Variants in ANGPTL2 observed in about 807,000 individuals in gnomAD.
The protein encoded by ANGPTL2 is angiopoietin like 2.
ANGPTL2 carries 25 observed loss-of-function variants against 52.8 expected under a neutral mutation model. The ratio of observed to expected loss-of-function variants is 0.47; its 90% CI spans 0.35 to 0.66. ANGPTL2 has a LOEUF of 0.66. Among genes scored for constraint, ANGPTL2 ranks in the 30% least tolerant of loss-of-function variants. The pLI, the probability that ANGPTL2 is intolerant of heterozygous loss-of-function variation, is 0.01. For synonymous variants in ANGPTL2, 276 were observed against 277.4 expected (o/e 1.00, Z 0.05); for missense variants, 546 against 656.9 (o/e 0.83, Z 1.84).
Position 127,108,698 on chromosome 9 carries a change from C to G in ANGPTL2, c.34G>C (p.Gly12Arg). Residue 12 changes from glycine (G) to arginine (R), a missense_variant, in exon 2 of 5, where the codon GGA (glycine) becomes CGA (arginine). Physicochemically the swap from Gly to Arg is moderately radical, Grantham distance 125 (BLOSUM62 -2). Coordinates refer to ENST00000373425, the MANE Select transcript of ANGPTL2 (RefSeq NM_012098.3). ...ACAGCTCCCATGGCAGCCAGCAGTC[C>G]GAGCCACCAGCATGTCACGCACAGT... ...RPLCVTCWWL[G>R]LLAAMGAVAG... The G allele has an allele frequency of 6.2e-7, 1 of 1,612,516 alleles. No homozygotes were observed. Among genetic ancestry groups the G allele is most frequent in the Non-Finnish European group, 8.5e-7 (1 of 1,179,354 alleles).
chr9:127,097,376 G>A (rs1045210472), intron 2 of ANGPTL2, among the ~76,000 whole-genome samples: 7 of 152,234 alleles, frequency 4.6e-5, no homozygotes, highest in African/African-American at 1.7e-4. Flanking sequence ...TACAAAAAAT[G>A]TGCATATGTG....
At chr9:127,110,694 T>C (rs1270609177) in intron 1 of ANGPTL2, among the ~76,000 whole-genome samples, 1 of 152,216 alleles carries the variant, frequency 6.6e-6, no homozygotes, top group Non-Finnish European at 1.5e-5. Context: ...TTCATAAATG[T>C]CCACTCTGGT....
chr9:127,115,679 G>T (rs2055336515), intron 1 of ANGPTL2, among the ~76,000 whole-genome samples: 1 of 152,220 alleles, frequency 6.6e-6, no homozygotes, highest in African/African-American at 2.4e-5. Flanking sequence ...TTGTTTAATG[G>T]CTGAGATGCA....
chr9:127,111,111 C>G (rs550880321), intron 1 of ANGPTL2, among the ~76,000 whole-genome samples: 85 of 152,302 alleles, frequency 5.6e-4, no homozygotes, highest in African/African-American at 1.9e-3. Flanking sequence ...ACGATCATCT[C>G]CTCCAACCAC....
Position 127,091,975 on chromosome 9 carries a change from C to G in ANGPTL2, c.1012-35G>C. The G allele has an allele frequency of 6.3e-7, 1 of 1,598,484 alleles. No homozygotes were observed. Among genetic ancestry groups the G allele is most frequent in the South Asian group, 1.1e-5 (1 of 88,772 alleles). On this transcript the variant is annotated intron_variant, in intron 3 of 4. Transcript: ENST00000373425. The surrounding 1 kb of genome is among the most constrained non-coding windows in gnomAD (Gnocchi z 4.3). Reference sequence around the variant, plus strand: ...ACCCAGGAGAGTGTTAATGTGGAGCCTGCAGCACCTGCAGCCAGCAGGCTT... The same window carrying G: ...ACCCAGGAGAGTGTTAATGTGGAGCGTGCAGCACCTGCAGCCAGCAGGCTT...
At chr9:127,117,954 T>C in intron 1 of ANGPTL2, among the ~76,000 whole-genome samples, 1 of 152,242 alleles carries the variant, frequency 6.6e-6, no homozygotes, top group East Asian at 1.9e-4. Flanking sequence ...AGCAGGGGGT[T>C]GCTGAGGCTC....
At chr9:127,095,471 T>C (rs1204085430) in intron 2 of ANGPTL2, among the ~76,000 whole-genome samples, 2 of 152,214 alleles carry the variant, frequency 1.3e-5, no homozygotes, top group African/African-American at 4.8e-5. Flanking sequence ...GAAAGTACCA[T>C]TGTATGTTTT....
At chr9:127,105,766 G>A (rs2054159658) in intron 2 of ANGPTL2, among the ~76,000 whole-genome samples, 2 of 152,164 alleles carry the variant, frequency 1.3e-5, no homozygotes, top group South Asian at 2.1e-4. Flanking sequence ...GGCATTGGAC[G>A]GATCCCAGAT....
intron 1 of ANGPTL2, among the ~76,000 whole-genome samples, chr9:127,118,865 T>C (rs1255927486): frequency 2.6e-5 from 4 of 152,244 alleles, no homozygotes; most frequent in African/African-American, 9.7e-5. Flanking sequence ...CTGTCTGTTA[T>C]GTTTGTTCTA....
intron 4 of ANGPTL2, among the ~76,000 whole-genome samples, chr9:127,090,721 G>T (rs1342367527): frequency 2.0e-5 from 3 of 152,210 alleles, no homozygotes; most frequent in Non-Finnish European, 4.4e-5. Context: ...GGCAGGAGGG[G>T]ACTGGGTTTG....
chr9:127,109,070 C>G (rs1293740998), intron 1 of ANGPTL2, among the ~76,000 whole-genome samples: 1 of 152,208 alleles, frequency 6.6e-6, no homozygotes, highest in East Asian at 1.9e-4. Context: ...CCGCAGCCCC[C>G]TTGCTGAACT....
chr9:127,121,507 G>A (rs773111754), intron 1 of ANGPTL2, among the ~76,000 whole-genome samples: 1 of 152,250 alleles, frequency 6.6e-6, no homozygotes, highest in Non-Finnish European at 1.5e-5. Context: ...TAATCCTACA[G>A]CAGAGGCAAG....
rs183125504 is a variant in ANGPTL2, at chr9:127,108,717, G to A, written c.15C>T (p.Cys5=). The A allele has an allele frequency of 1.2e-5, 20 of 1,607,960 alleles. No homozygotes were observed. The highest frequency in any genetic ancestry group is 3.6e-4 in the Middle Eastern group (2 of 5,550). Residue 5 remains cysteine (C), a synonymous_variant, in exon 2 of 5, where the codon TGC becomes TGT. Coordinates refer to ENST00000373425, the MANE Select transcript of ANGPTL2 (RefSeq NM_012098.3). MRPL[C]VTCWWLGLLA... ...GCAGTCCGAGCCACCAGCATGTCAC[G>A]CACAGTGGCCTCATGGTCCTTGCAA...
chr9:127,093,992 C>A (rs1454977963), intron 2 of ANGPTL2, 66 bp from the exon 3 acceptor site: 2 of 1,551,876 alleles, frequency 1.3e-6, no homozygotes, highest in East Asian at 2.3e-5. Flanking sequence ...CCCAGCTGCA[C>A]CCCAAGCAGG....
Position 127,087,442 on chromosome 9 carries a change from A to G in ANGPTL2, c.*1497T>C, listed in dbSNP as rs1440725942. 1 of 152,632 alleles carries G rather than the reference A, an allele frequency of 6.6e-6. No individual in the cohort carries two copies. Among genetic ancestry groups the G allele is most frequent in the Non-Finnish European group, 1.5e-5 (1 of 68,038 alleles). The allele number at this position is 152,632 out of a possible 1,614,324, so 9.5% of individuals were successfully genotyped here. Reference sequence around the variant, plus strand: ...ACCCTCCCTTTTATATACACAAAACATGCTACATGGTACACTTTGTGAGAA... The same window carrying G: ...ACCCTCCCTTTTATATACACAAAACGTGCTACATGGTACACTTTGTGAGAA... On this transcript the variant is annotated 3_prime_UTR_variant, in exon 5 of 5. Coordinates refer to ENST00000373425, the MANE Select transcript of ANGPTL2 (RefSeq NM_012098.3).
In ANGPTL2 at chr9:127,115,667, G is replaced by A. The variant is rs572133954; in HGVS notation, c.-50+6648C>T. Among the ~76,000 whole-genome samples the A allele has an allele frequency of 2.0e-5, 3 of 152,358 alleles. No homozygotes were observed. In the South Asian group the frequency reaches 6.2e-4, roughly 32 times the overall value. On this transcript the variant is annotated intron_variant, in intron 1 of 4. Coordinates refer to ENST00000373425, the MANE Select transcript of ANGPTL2 (RefSeq NM_012098.3). ...CAACCAGTATGAATAAAAGGTGCTT[G>A]TTTGTTTAATGGCTGAGATGCAGCT...
chr9:127,088,726 G>A lies in ANGPTL2; in HGVS notation c.*213C>T, dbSNP rs182024510. On this transcript the variant is annotated 3_prime_UTR_variant, in exon 5 of 5. Coordinates refer to ENST00000373425, the MANE Select transcript of ANGPTL2 (RefSeq NM_012098.3). ...CCTGTCCTGTCCTGGAGACATGAGG[G>A]GCTGTCTGGTGTGAAGGAAAGTAGG... is the stretch of plus-strand genomic sequence containing the variant. 1.5e-3 allele frequency: 883 copies of A among 603,320 alleles called. 1 individual carries two copies. Among genetic ancestry groups the A allele is most frequent in the Non-Finnish European group, 2.2e-3 (759 of 339,402 alleles). 37.4% of individuals were successfully genotyped at this position (603,320 alleles called of 1,614,324 possible). A position where few individuals can be genotyped will look rare whatever the true frequency, so the allele number is the denominator to read the frequency against.
rs775369803 is a variant in ANGPTL2, at chr9:127,108,062, C to A, written c.670G>T (p.Val224Phe). 1 of 1,611,408 alleles carries A rather than the reference C, an allele frequency of 6.2e-7. No homozygotes were observed. The highest frequency in any genetic ancestry group is 1.7e-5 in the Admixed American group (1 of 59,886). The stretch of plus-strand genomic sequence containing the variant: ...CGGTTGTAGGTGGGTGGTTGGTAGA[C>A]CCGGGGCGGGGCAGCGGGGGGTGGC... ...PQPPPAAPPRVYQPPTYNRII... is the reference protein window; with the variant it reads ...PQPPPAAPPRFYQPPTYNRII... Residue 224 changes from valine to phenylalanine, a missense_variant, in exon 2 of 5, where the codon GTC (valine) becomes TTC (phenylalanine). Physicochemically the swap from Val to Phe is conservative, Grantham distance 50 (BLOSUM62 -1). Around this residue, in one of 2 missense-constraint regions of ANGPTL2, gnomAD observed 285 missense variants for 295.8 expected, o/e 0.96. Coordinates refer to ENST00000373425, the MANE Select transcript of ANGPTL2 (RefSeq NM_012098.3).
chr9:127,108,381 C>T lies in ANGPTL2; in HGVS notation c.351G>A (p.Val117=), dbSNP rs1589521475. 2.5e-6 allele frequency: 4 copies of T among 1,609,792 alleles called. No individual in the cohort carries two copies. The highest frequency in any genetic ancestry group is 2.5e-6 in the Non-Finnish European group (3 of 1,178,138). The change falls in exon 2 of 5, where the codon GTG becomes GTA. Residue 117 remains valine, a synonymous_variant. Transcript: ENST00000373425. ...QQLVEVDGGI[V]SEVKLLRKES... ...CCTTGCGCAGCAGCTTCACCTCGCT[C>T]ACAATGCCGCCGTCCACCTCCACCA...
Sources: gnomAD v4.1 joint callset for allele counts (sites outside exome capture counted in the v4.1 genomes callset) on GRCh38, gnomAD v4.1.1 for gene constraint, gnomAD v4.1.1 regional missense constraint, Gnocchi (gnomAD v3.1) non-coding constraint, MANE v1.5 for transcripts, NCBI Gene and HGNC (gene_info 2026-07-23, HGNC 2026-07-21) for gene names.